Variants in TMEM233 observed in about 807,000 individuals in gnomAD.
TMEM233 encodes transmembrane protein 233.
A neutral mutation model predicts 11.2 loss-of-function variants in TMEM233; 6 were observed. The observed-to-expected ratio is 0.54, with a 90% CI of 0.29 to 1.06. The LOEUF is 1.06. Ranked by LOEUF, TMEM233 falls within the 50% of genes least tolerant of loss-of-function variation. TMEM233 has a pLI of 0.08. For synonymous variants in TMEM233, 59 were observed against 55.8 expected, an observed-to-expected ratio of 1.06 and a Z score of -0.26; for missense variants, 127 against 144.7, an observed-to-expected ratio of 0.88 and a Z score of 0.63.
intron 1 of TMEM233, among the ~76,000 whole-genome samples, chr12:119,601,385 G>A (rs545548188): frequency 1.3e-5 from 2 of 152,084 alleles, no homozygotes; most frequent in East Asian, 1.9e-4. Context: ...GGCCAGGTGC[G>A]GTGGCTCAAG....
intron 2 of TMEM233, among the ~76,000 whole-genome samples, chr12:119,636,641 A>T (rs1378972323): frequency 6.6e-6 from 1 of 152,178 alleles, no homozygotes; most frequent in African/African-American, 2.4e-5. Flanking sequence ...CATTGAGATT[A>T]GGCTCATGGT....
intron 2 of TMEM233, among the ~76,000 whole-genome samples, chr12:119,634,978 G>A (rs1489243746): frequency 6.6e-6 from 1 of 152,220 alleles, no homozygotes; most frequent in East Asian, 1.9e-4. Context: ...ATAGAATCGT[G>A]CATTGACAGC....
intron 2 of TMEM233, 42 bp from the exon 3 acceptor site, chr12:119,640,657 G>A: frequency 1.3e-6 from 2 of 1,547,956 alleles, no homozygotes; most frequent in East Asian, 2.4e-5. Flanking sequence ...CAGAAGCTCA[G>A]CCCACGGTCT....
chr12:119,611,813 TC>T (rs1241592292), intron 1 of TMEM233, among the ~76,000 whole-genome samples: 16 of 152,114 alleles, frequency 1.1e-4, no homozygotes, highest in Non-Finnish European at 5.9e-5. Context: ...TGAACTCAAC[TC>T]CTAAGTCTGA....
chr12:119,640,484 C>T (rs2136807420), intron 2 of TMEM233, among the ~76,000 whole-genome samples: 1 of 152,202 alleles, frequency 6.6e-6, no homozygotes, highest in Non-Finnish European at 1.5e-5. Flanking sequence ...TTTGCACGTA[C>T]CACATGTAAG....
chr12:119,652,152 C>A, the TMEM233 span, among the ~76,000 whole-genome samples: 1 of 152,144 alleles, frequency 6.6e-6, no homozygotes, highest in Non-Finnish European at 1.5e-5. Flanking sequence ...AAGGTATGTA[C>A]CCTTGGACCT....
intron 2 of TMEM233, among the ~76,000 whole-genome samples, 187 bp downstream of exon 2, chr12:119,630,059 G>A (rs2893805): frequency 0.77 from 116,447 of 152,114 alleles, 44,763 homozygotes; most frequent in Middle Eastern, 0.85. Context: ...CTTCTAGTGC[G>A]GGAGTGGGTG....
rs531018436 is a variant in TMEM233, at chr12:119,641,321, A to T, written c.*616A>T. 6.6e-6 allele frequency: 1 copy of T among 152,276 alleles called. No individual in the cohort carries two copies. The highest frequency in any genetic ancestry group is 1.9e-4 in the East Asian group (1 of 5,182). 9.4% of individuals were successfully genotyped at this position (152,276 alleles called of 1,614,324 possible). ...TTTCTGGCCTTTTGTCTTGATGCTT[A>T]TATTTCCAAATAGGCCCCCTCCCTT... On this transcript the variant is annotated 3_prime_UTR_variant, in exon 3 of 3. Transcript: ENST00000426426.
chr12:119,601,267 C>A (rs1332924489), intron 1 of TMEM233, among the ~76,000 whole-genome samples: 1 of 152,166 alleles, frequency 6.6e-6, no homozygotes, highest in Non-Finnish European at 1.5e-5. Flanking sequence ...TAAAATTTCT[C>A]TCCAATTCTG....
intron 1 of TMEM233, among the ~76,000 whole-genome samples, chr12:119,597,468 G>GCA: frequency 8.7e-6 from 1 of 115,064 alleles, no homozygotes; most frequent in East Asian, 3.3e-4. Flanking sequence ...TTCCAGAATG[G>GCA]TAAAAAAAAA....
At chr12:119,611,846 T>C (rs886823019) in intron 1 of TMEM233, among the ~76,000 whole-genome samples, 1 of 152,178 alleles carries the variant, frequency 6.6e-6, no homozygotes, top group Non-Finnish European at 1.5e-5. Context: ...GCTCTTATCC[T>C]AGCTTCTCTG....
chr12:119,594,085 T>C lies in TMEM233; in HGVS notation c.186+51T>C, dbSNP rs1953976044. The C allele has an allele frequency of 6.5e-7, 1 of 1,537,000 alleles. No homozygotes were observed. Among genetic ancestry groups the C allele is most frequent in the East Asian group, 2.4e-5 (1 of 40,838 alleles). On this transcript the variant is annotated intron_variant, in intron 1 of 2. Transcript: ENST00000426426. The surrounding 1 kb of genome is among the most constrained non-coding windows in gnomAD (Gnocchi z 5.6). Reference sequence around the variant, plus strand: ...CCTGGGAGGAGAGACCCGGGCGGCTTTGAGCCCCTGCAGGGGAGTCCGCGC... The same window carrying C: ...CCTGGGAGGAGAGACCCGGGCGGCTCTGAGCCCCTGCAGGGGAGTCCGCGC...
At chr12:119,644,571 G>A (rs921459509), downstream of TMEM233, among the ~76,000 whole-genome samples, 5 of 149,738 alleles carry the variant, frequency 3.3e-5, no homozygotes, top group African/African-American at 7.4e-5. Flanking sequence ...TCCACCTCCC[G>A]GGTTCAAGCG....
chr12:119,621,697 A>G (rs7957284), intron 1 of TMEM233, among the ~76,000 whole-genome samples: 2 of 152,048 alleles, frequency 1.3e-5, no homozygotes, highest in Non-Finnish European at 2.9e-5. Context: ...TCCTTGAAAA[A>G]CATTTAACAC....
chr12:119,599,602 A>G (rs1954118363), intron 1 of TMEM233, among the ~76,000 whole-genome samples: 1 of 152,232 alleles, frequency 6.6e-6, no homozygotes, highest in Non-Finnish European at 1.5e-5. Context: ...AATCCTGCAC[A>G]AATAGTAGCC....
intron 1 of TMEM233, among the ~76,000 whole-genome samples, chr12:119,604,432 C>T (rs912340050): frequency 8.5e-5 from 13 of 152,194 alleles, no homozygotes; most frequent in Non-Finnish European, 1.2e-4. Context: ...ATTCTTGGAT[C>T]GTAAGGCTAA....
chr12:119,653,133 C>T, the TMEM233 span, among the ~76,000 whole-genome samples: 1 of 152,078 alleles, frequency 6.6e-6, no homozygotes, highest in African/African-American at 2.4e-5. Flanking sequence ...GTGGCTCACA[C>T]CTATAATCCC....
chr12:119,628,492 C>CTTTTTTT (rs60789807), intron 1 of TMEM233, among the ~76,000 whole-genome samples: 2 of 52,444 alleles, frequency 3.8e-5, no homozygotes, highest in African/African-American at 1.7e-4. Flanking sequence ...CCAGCTCACT[C>CTTTTTTT]TTTTTTTTTT....
intron 1 of TMEM233, among the ~76,000 whole-genome samples, chr12:119,618,641 T>G (rs903389653): frequency 6.6e-6 from 1 of 152,188 alleles, no homozygotes; most frequent in Non-Finnish European, 1.5e-5. Flanking sequence ...ACTGCTCTAT[T>G]GGATTTTGGA....
Sources: gnomAD v4.1 joint callset for allele counts (sites outside exome capture counted in the v4.1 genomes callset) on GRCh38, gnomAD v4.1.1 for gene constraint, Gnocchi (gnomAD v3.1) non-coding constraint, MANE v1.5 for transcripts, NCBI Gene and HGNC (gene_info 2026-07-23, HGNC 2026-07-21) for gene names.